Variants in COX10 observed in about 807,000 individuals in gnomAD.
COX10 encodes the protein protoheme IX farnesyltransferase, mitochondrial.
A neutral mutation model predicts 37.3 loss-of-function variants in COX10; 27 were observed. The ratio of observed to expected loss-of-function variants is 0.72; its 90% CI spans 0.53 to 1.00. The LOEUF (loss-of-function observed/expected upper bound fraction) is 1.00. Ranked by LOEUF, COX10 falls within the 50% of genes least tolerant of loss-of-function variation. COX10 has a pLI of 0.00. For synonymous variants in COX10, 222 were observed against 229.1 expected (o/e 0.97, Z 0.28); for missense variants, 475 against 563.2 (o/e 0.84, Z 1.59).
At chr17:14,190,442 C>T (rs1396594496) in intron 5 of COX10, among the ~76,000 whole-genome samples, 3 of 152,176 alleles carry the variant, frequency 2.0e-5, no homozygotes, top group Non-Finnish European at 4.4e-5. Context: ...AATGCCACCT[C>T]AAGGCAGAAT....
intron 4 of COX10, among the ~76,000 whole-genome samples, chr17:14,126,342 C>T (rs2142216169): frequency 1.3e-5 from 2 of 152,256 alleles, no homozygotes; most frequent in South Asian, 2.1e-4. Flanking sequence ...TGAATTACTG[C>T]ATTCAAACAC....
chr17:14,106,333 A>T (rs1356132836), intron 4 of COX10, among the ~76,000 whole-genome samples: 2 of 152,136 alleles, frequency 1.3e-5, no homozygotes, highest in Non-Finnish European at 2.9e-5. Context: ...GCATGATTTT[A>T]AGAGTTGTAT....
In COX10 at chr17:14,148,960, T is replaced by G. The variant is rs1214977217; in HGVS notation, c.625-10917T>G. On this transcript the variant is annotated intron_variant, in intron 4 of 6. Transcript: ENST00000261643. Reference sequence around the variant, plus strand: ...TAATTATATATACTATATTAAAATATAACGTTATATTTTATAATATAAAAT... The same window carrying G: ...TAATTATATATACTATATTAAAATAGAACGTTATATTTTATAATATAAAAT... Among the ~76,000 whole-genome samples, 3 of 148,270 alleles carry G rather than the reference T, an allele frequency of 2.0e-5. No homozygotes were observed. In the East Asian group the frequency reaches 5.9e-4, roughly 29 times the overall value.
At chr17:14,140,597 T>C (rs1196317194) in intron 4 of COX10, among the ~76,000 whole-genome samples, 3 of 152,154 alleles carry the variant, frequency 2.0e-5, no homozygotes. Flanking sequence ...AGAACATTTT[T>C]CCTTTTCATT....
chr17:14,103,011 C>T (rs545852884), intron 4 of COX10, among the ~76,000 whole-genome samples: 2 of 152,204 alleles, frequency 1.3e-5, no homozygotes, highest in Non-Finnish European at 2.9e-5. Context: ...GTGCAAAATA[C>T]GTGAATTTAA....
chr17:14,184,503 A>C (rs1905966669), intron 5 of COX10, among the ~76,000 whole-genome samples: 1 of 152,256 alleles, frequency 6.6e-6, no homozygotes, highest in Non-Finnish European at 1.5e-5. Context: ...CTCATCTCCC[A>C]GAATCAACAA....
chr17:14,206,898 G>T lies in COX10; in HGVS notation c.1017G>T (p.Arg339=), dbSNP rs1906719265. The T allele has an allele frequency of 6.2e-7, 1 of 1,613,956 alleles. No homozygotes were observed. Residue 339 remains arginine (R), a synonymous_variant, in exon 7 of 7, where the codon CGG becomes CGT. Coordinates refer to ENST00000261643, the MANE Select transcript of COX10 (RefSeq NM_001303.4). ...LSWGLREDYS[R]GGYCMMSVTH... ...GGGGCCTCCGTGAAGACTACTCCCGGGGCGGCTACTGCATGATGTCGGTCA... is the reference window on the plus strand; with the variant it reads ...GGGGCCTCCGTGAAGACTACTCCCGTGGCGGCTACTGCATGATGTCGGTCA...
intron 4 of COX10, among the ~76,000 whole-genome samples, chr17:14,104,479 A>G (rs904951517): frequency 6.6e-6 from 1 of 152,162 alleles, no homozygotes; most frequent in African/African-American, 2.4e-5. Flanking sequence ...AGTCCTTAGC[A>G]AAAAGGAAGA....
chr17:14,153,663 A>G (rs868130162), intron 4 of COX10, among the ~76,000 whole-genome samples: 1 of 152,216 alleles, frequency 6.6e-6, no homozygotes, highest in Admixed American at 6.5e-5. Flanking sequence ...TGGGAATGAA[A>G]AAGTGGCACA....
chr17:14,186,423 C>T (rs1166141409), intron 5 of COX10, among the ~76,000 whole-genome samples: 2 of 152,062 alleles, frequency 1.3e-5, no homozygotes, highest in Admixed American at 6.5e-5. Context: ...CCACCCTTTC[C>T]GCCCATCTCC....
intron 4 of COX10, among the ~76,000 whole-genome samples, chr17:14,148,394 G>T (rs577301333): frequency 1.1e-4 from 16 of 152,272 alleles, no homozygotes; most frequent in African/African-American, 3.9e-4. Context: ...ATGGAATCCT[G>T]CTGGATAAGG....
intron 3 of COX10, among the ~76,000 whole-genome samples, chr17:14,098,997 C>T (rs1234599488): frequency 6.6e-6 from 1 of 152,064 alleles, no homozygotes; most frequent in East Asian, 1.9e-4. Flanking sequence ...GCCTAGACTC[C>T]CCACCTCAGC....
intron 5 of COX10, among the ~76,000 whole-genome samples, chr17:14,170,577 G>T (rs533593597): frequency 9.2e-5 from 14 of 152,294 alleles, no homozygotes; most frequent in African/African-American, 3.1e-4. Flanking sequence ...CAATTTGGGA[G>T]GCAAAGGTGG....
At chr17:14,095,135 G>T (rs1915615871) in intron 3 of COX10, among the ~76,000 whole-genome samples, 1 of 152,182 alleles carries the variant, frequency 6.6e-6, no homozygotes, top group Admixed American at 6.6e-5. Context: ...TAGCAGAAGG[G>T]GTTGCCCAAG....
In COX10 at chr17:14,073,474, T is replaced by C. The variant is rs976673829; in HGVS notation, c.44-849T>C. Among the ~76,000 whole-genome samples the C allele has an allele frequency of 3.3e-5, 5 of 152,150 alleles. No homozygotes were observed. In the South Asian group the frequency reaches 8.3e-4, roughly 25 times the overall value. ...AAAGACATTTTGCAATCCATCCATA[T>C]AGAGATACCAAGAGAGGAGATGGAA... On this transcript the variant is annotated intron_variant, in intron 1 of 6. Transcript: ENST00000261643.
intron 5 of COX10, among the ~76,000 whole-genome samples, chr17:14,167,316 G>A (rs1291733513): frequency 6.6e-6 from 1 of 152,216 alleles, no homozygotes; most frequent in South Asian, 2.1e-4. Context: ...ATGTATTTCT[G>A]ACGAAGATGC....
chr17:14,181,695 T>C (rs1216981351), intron 5 of COX10, among the ~76,000 whole-genome samples: 1 of 152,192 alleles, frequency 6.6e-6, no homozygotes. Flanking sequence ...AGTATGTGTC[T>C]GTCACGTGGC....
intron 6 of COX10, among the ~76,000 whole-genome samples, chr17:14,196,484 G>T (rs572835032): frequency 1.3e-5 from 2 of 152,266 alleles, no homozygotes; most frequent in Non-Finnish European, 2.9e-5. Flanking sequence ...AGGCTTACAG[G>T]CCTGAAAGCC....
chr17:14,179,149 T>C (rs1283923368), intron 5 of COX10: 1 of 472,848 alleles, frequency 2.1e-6, no homozygotes, highest in Non-Finnish European at 2.8e-6. Context: ...TTCAGAGATG[T>C]GTTTCCTAGT....
Sources: gnomAD v4.1 joint callset for allele counts (sites outside exome capture counted in the v4.1 genomes callset) on GRCh38, gnomAD v4.1.1 for gene constraint, MANE v1.5 for transcripts, NCBI Gene and HGNC (gene_info 2026-07-23, HGNC 2026-07-21) for gene names.